Variants in ACVR2A observed in about 807,000 individuals in gnomAD.
The protein encoded by ACVR2A is activin A receptor type 2A, also known as activin receptor type-2A.
ACVR2A carries 7 observed loss-of-function variants against 61.4 expected under a neutral mutation model. The observed-to-expected ratio is 0.11, with a 90% confidence interval of 0.06 to 0.21. The LOEUF is 0.21. Ranked by LOEUF, ACVR2A falls within the 10% of genes least tolerant of loss-of-function variation. The pLI is 1.00. For missense variants in ACVR2A, 322 were observed against 621.7 expected (o/e 0.52, Z 5.13); for synonymous variants, 193 against 208.3 (o/e 0.93, Z 0.63).
chr2:147,904,338 C>T (rs1444509733), intron 4 of ACVR2A, among the ~76,000 whole-genome samples: 1 of 151,820 alleles, frequency 6.6e-6, no homozygotes, highest in Non-Finnish European at 1.5e-5. Context: ...AAAATGGCGC[C>T]GCTTTCATAA....
chr2:147,845,556 G>A (rs559991335), intron 1 of ACVR2A, among the ~76,000 whole-genome samples: 4 of 152,288 alleles, frequency 2.6e-5, no homozygotes, highest in African/African-American at 7.2e-5. Context: ...TTATGCAAAG[G>A]TTGAGATCTG....
chr2:147,902,343 A>C (rs2105197267), intron 4 of ACVR2A, among the ~76,000 whole-genome samples: 1 of 152,062 alleles, frequency 6.6e-6, no homozygotes, highest in South Asian at 2.1e-4. Flanking sequence ...TTGACACTAA[A>C]GCTTTGTTCT....
At chr2:147,857,586 T>G (rs909517312) in intron 1 of ACVR2A, among the ~76,000 whole-genome samples, 4 of 150,872 alleles carry the variant, frequency 2.7e-5, no homozygotes, top group Non-Finnish European at 5.9e-5. Flanking sequence ...TATCTTCAGA[T>G]TCAATGAAAG....
At chr2:147,909,669 A>T (rs1687069610) in intron 4 of ACVR2A, among the ~76,000 whole-genome samples, 1 of 151,884 alleles carries the variant, frequency 6.6e-6, no homozygotes, top group African/African-American at 2.4e-5. Flanking sequence ...ATGAGGTATC[A>T]CTCTGTCACC....
chr2:147,890,281 T>C (rs930399712), intron 1 of ACVR2A, among the ~76,000 whole-genome samples: 1 of 152,058 alleles, frequency 6.6e-6, no homozygotes, highest in Admixed American at 6.6e-5. Flanking sequence ...GTTTGCAGTA[T>C]GTCAGTTCAT....
chr2:147,893,889 G>A (rs4972314), intron 1 of ACVR2A, among the ~76,000 whole-genome samples: 137,493 of 152,100 alleles, frequency 0.9, 63,497 homozygotes, highest in East Asian at 1. Flanking sequence ...TCAGTTTATC[G>A]GTTCTGTCTT....
chr2:147,924,919 G>A (rs1157501758), intron 9 of ACVR2A, among the ~76,000 whole-genome samples: 1 of 151,840 alleles, frequency 6.6e-6, no homozygotes, highest in African/African-American at 2.4e-5. Context: ...TCGGTACTTT[G>A]TCACTGGAAG....
At chr2:147,907,262 C>T (rs139603660) in intron 4 of ACVR2A, among the ~76,000 whole-genome samples, 518 of 152,202 alleles carry the variant, frequency 3.4e-3, no homozygotes, top group East Asian at 8.1e-3. Context: ...TGGGTTGGTT[C>T]CATGTCTTTG....
intron 1 of ACVR2A, among the ~76,000 whole-genome samples, chr2:147,889,821 T>G (rs970062552): frequency 5.5e-5 from 8 of 145,890 alleles, no homozygotes; most frequent in African/African-American, 2.1e-4. Flanking sequence ...GTATTGCTAT[T>G]TTTTTTTTAA....
intron 1 of ACVR2A, 147 bp downstream of exon 1, chr2:147,845,354 C>CCCT: frequency 3.8e-6 from 2 of 529,156 alleles, no homozygotes; most frequent in Non-Finnish European, 6.3e-6. Flanking sequence ...CACCGCCCCC[C>CCCT]CCCCCCGCCC....
At chr2:147,885,650 T>C (rs537422458) in intron 1 of ACVR2A, among the ~76,000 whole-genome samples, 18 of 152,272 alleles carry the variant, frequency 1.2e-4, no homozygotes, top group Non-Finnish European at 1.2e-4. Context: ...TCTAAAAGTA[T>C]TGTTTCTCAG....
At chr2:147,881,277 A>G (rs935016926) in intron 1 of ACVR2A, among the ~76,000 whole-genome samples, 7 of 152,170 alleles carry the variant, frequency 4.6e-5, no homozygotes, top group Middle Eastern at 3.2e-3. Flanking sequence ...GTTTTTTGAT[A>G]GTTGATTTTA....
At chr2:147,915,587 T>C (rs2105214008) in intron 5 of ACVR2A, among the ~76,000 whole-genome samples, 1 of 152,048 alleles carries the variant, frequency 6.6e-6, no homozygotes, top group East Asian at 1.9e-4. Flanking sequence ...AAAATTCTAA[T>C]AGAAATGTTA....
intron 4 of ACVR2A, among the ~76,000 whole-genome samples, chr2:147,903,672 A>T (rs1364197401): frequency 6.6e-6 from 1 of 151,902 alleles, no homozygotes; most frequent in Admixed American, 6.6e-5. Context: ...AACATCTGTC[A>T]TATGCATCTA....
intron 5 of ACVR2A, among the ~76,000 whole-genome samples, chr2:147,916,207 T>G (rs1251294042): frequency 6.6e-6 from 1 of 151,890 alleles, no homozygotes; most frequent in Non-Finnish European, 1.5e-5. Flanking sequence ...GTATTACATT[T>G]TTTTTTGGTA....
At chr2:147,862,639 G>A (rs192342133) in intron 1 of ACVR2A, among the ~76,000 whole-genome samples, 82 of 152,076 alleles carry the variant, frequency 5.4e-4, no homozygotes, top group Middle Eastern at 3.4e-3. Context: ...AGCTACTGGG[G>A]AGGCTGAGGC....
chr2:147,874,363 C>T (rs570299580), intron 1 of ACVR2A, among the ~76,000 whole-genome samples: 5 of 151,930 alleles, frequency 3.3e-5, no homozygotes, highest in African/African-American at 9.6e-5. Flanking sequence ...ACACATCTTC[C>T]TGTTATTTGT....
chr2:147,852,292 C>T (rs1685468734), intron 1 of ACVR2A, among the ~76,000 whole-genome samples: 1 of 151,918 alleles, frequency 6.6e-6, no homozygotes, highest in African/African-American at 2.4e-5. Context: ...GAACTGTGTA[C>T]TCTTAACTAT....
At chr2:147,915,134 A>C (rs1687219351) in intron 4 of ACVR2A, 57 bp from the exon 5 acceptor site, 1 of 1,539,916 alleles carries the variant, frequency 6.5e-7, no homozygotes, top group South Asian at 1.2e-5. Context: ...TCTCATTTTC[A>C]GAGTTGGTGT....
Sources: gnomAD v4.1 joint callset for allele counts (sites outside exome capture counted in the v4.1 genomes callset) on GRCh38, gnomAD v4.1.1 for gene constraint, MANE v1.5 for transcripts, NCBI Gene and HGNC (gene_info 2026-07-23, HGNC 2026-07-21) for gene names.